WASHC3: variants seen among roughly 807,000 people sequenced by gnomAD.
WASHC3 encodes WASH complex subunit 3.
WASHC3 carries 24 observed loss-of-function variants against 26.1 expected under a neutral mutation model. The observed-to-expected ratio is 0.92, with a 90% CI of 0.66 to 1.29. The LOEUF (loss-of-function observed/expected upper bound fraction) is 1.29. Among genes scored for constraint, WASHC3 ranks in the 50% most tolerant of loss-of-function variants. The pLI, the probability that WASHC3 is intolerant of heterozygous loss-of-function variation, is 0.00. For synonymous variants in WASHC3, 77 were observed against 75.7 expected, an observed-to-expected ratio of 1.02 and a Z score of -0.09; for missense variants, 214 against 229.6, an observed-to-expected ratio of 0.93 and a Z score of 0.44.
rs758979621 is a variant in WASHC3 at position 102,061,943 on chromosome 12, G to T, written c.20C>A (p.Pro7His). 1 of 1,601,644 alleles carries T rather than the reference G, an allele frequency of 6.2e-7. No individual in the cohort carries two copies. The highest frequency in any genetic ancestry group is 8.5e-7 in the Non-Finnish European group (1 of 1,173,496). Residue 7 changes from proline to histidine, a missense_variant, in exon 1 of 7, where the codon CCT becomes CAT. Pro to His is a moderately conservative substitution (Grantham distance 77). Transcript: ENST00000240079. MDEDGL[P>H]LMGSGIDLTK... ...CAGGTCTATGCCTGACCCCATGAGA[G>T]GAAGCCCGTCCTCATCCATCTCCTC...
At chr12:102,019,621 T>A (rs1876865073) in intron 6 of WASHC3, among the ~76,000 whole-genome samples, 1 of 152,186 alleles carries the variant, frequency 6.6e-6, no homozygotes, top group African/African-American at 2.4e-5. Context: ...AATTTCAATC[T>A]TTGGTGGTTA....
Position 102,016,558 on chromosome 12 carries a change from G to A in WASHC3, c.501-3366C>T, listed in dbSNP as rs531199054. 1.4e-4 allele frequency among the ~76,000 whole-genome samples: 22 copies of A among 152,234 alleles called. No individual in the cohort carries two copies. In the South Asian group the frequency reaches 4.1e-3, roughly 29 times the overall value. On this transcript the variant is annotated intron_variant, in intron 6 of 6. Coordinates refer to ENST00000240079, the MANE Select transcript of WASHC3 (RefSeq NM_016053.4). ...CTTACTTTTTGAAAAAAAAGTTAAC[G>A]TTAAACAGCCTCAGGGAGGTCCTTC...
intron 3 of WASHC3, among the ~76,000 whole-genome samples, chr12:102,045,106 A>T (rs966524495): frequency 6.2e-5 from 9 of 144,360 alleles, no homozygotes; most frequent in Admixed American, 1.4e-4. Flanking sequence ...AATAATAATT[A>T]AAAAAAAAAC....
intron 2 of WASHC3, among the ~76,000 whole-genome samples, chr12:102,053,866 A>G (rs957711568): frequency 2.0e-5 from 3 of 151,652 alleles, no homozygotes; most frequent in African/African-American, 7.3e-5. Flanking sequence ...TTAACAGACA[A>G]AACTATTAAA....
At chr12:102,052,552 G>GCCC (rs1878433314) in intron 2 of WASHC3, among the ~76,000 whole-genome samples, 5 of 151,754 alleles carry the variant, frequency 3.3e-5, no homozygotes, top group Non-Finnish European at 7.4e-5. Context: ...CTAGGGACAG[G>GCCC]CCAGCCCCAG....
chr12:102,039,121 G>A (rs950913062), intron 5 of WASHC3, among the ~76,000 whole-genome samples: 1 of 144,406 alleles, frequency 6.9e-6, no homozygotes, highest in Non-Finnish European at 1.5e-5. Context: ...CCATCATATG[G>A]AGTTAGGTTT....
Position 102,026,002 on chromosome 12 carries a change from A to G in WASHC3, c.472T>C (p.Ser158Pro), listed in dbSNP as rs1340105446. ...PVMAIRNKMI[S>P]EGLDPDLLER... ...AGAAGATCTGGGTCTAGTCCTTCTG[A>G]TATCATTTTGTTTCTTATTGCCATC... is the stretch of plus-strand genomic sequence containing the variant. Residue 158 changes from serine (S) to proline (P), a missense_variant, in exon 6 of 7, where the codon TCA becomes CCA. Coordinates refer to ENST00000240079, the MANE Select transcript of WASHC3 (RefSeq NM_016053.4). 9 of 1,543,518 alleles carry G rather than the reference A, an allele frequency of 5.8e-6. No individual in the cohort carries two copies. The East Asian group carries it at 1.4e-4, about 24-fold the overall frequency.
In WASHC3 at chr12:102,024,079, G is replaced by C. The variant is rs144249539; in HGVS notation, c.500+1895C>G. 1.9e-3 allele frequency among the ~76,000 whole-genome samples: 282 copies of C among 152,182 alleles called. 1 individual carries two copies. The highest frequency in any genetic ancestry group is 6.6e-3 in the African/African-American group (273 of 41,538). On this transcript the variant is annotated intron_variant, in intron 6 of 6. Coordinates refer to ENST00000240079, the MANE Select transcript of WASHC3 (RefSeq NM_016053.4). ...ACAGAGAGAAAGGAAAACATTTAAC[G>C]ACACCAAAAGGGAATAGGAAAATGT... is the stretch of plus-strand genomic sequence containing the variant.
rs577103480 is a variant in WASHC3 at position 102,020,163 on chromosome 12, C to G, written c.500+5811G>C. 7.0e-4 allele frequency among the ~76,000 whole-genome samples: 107 copies of G among 152,312 alleles called. 1 individual carries two copies. Among genetic ancestry groups the G allele is most frequent in the African/African-American group, 2.3e-3 (97 of 41,580 alleles). On this transcript the variant is annotated intron_variant, in intron 6 of 6. Transcript: ENST00000240079. ...TTATGGAGAAGAGGGAACTCTCTCT[C>G]TGTTCAACTGGAAAAACAGCAATAT...
Position 102,013,014 on chromosome 12 carries a change from G to T in WASHC3, c.*94C>A. 1.7e-6 allele frequency: 1 copy of T among 579,260 alleles called. No individual in the cohort carries two copies. The highest frequency in any genetic ancestry group is 2.3e-5 in the South Asian group (1 of 43,384). The allele number at this position is 579,260 out of a possible 1,614,324, so 35.9% of individuals were successfully genotyped here. A position where few individuals can be genotyped will look rare whatever the true frequency, so the allele number is the denominator to read the frequency against. Reference sequence around the variant, plus strand: ...CTTGGTAGTGGACATGTGGCCATTTGATGTTTTTATGACTAAGAGAGTTCA... The same window carrying T: ...CTTGGTAGTGGACATGTGGCCATTTTATGTTTTTATGACTAAGAGAGTTCA... On this transcript the variant is annotated 3_prime_UTR_variant, in exon 7 of 7. Transcript: ENST00000240079.
chr12:102,058,174 A>C (rs1878666967), intron 2 of WASHC3, among the ~76,000 whole-genome samples: 1 of 152,136 alleles, frequency 6.6e-6, no homozygotes, highest in Admixed American at 6.5e-5. Flanking sequence ...TAAGAATAAC[A>C]GTCTCAATAA....
chr12:102,049,839 A>G (rs1878316862), intron 2 of WASHC3, among the ~76,000 whole-genome samples: 1 of 152,214 alleles, frequency 6.6e-6, no homozygotes, highest in Admixed American at 6.5e-5. Flanking sequence ...TAAGGATTTA[A>G]GCAAAATATT....
chr12:102,044,396 A>G (rs1878069774), intron 3 of WASHC3, among the ~76,000 whole-genome samples, 184 bp from the exon 4 acceptor site: 1 of 152,244 alleles, frequency 6.6e-6, no homozygotes, highest in Non-Finnish European at 1.5e-5. Flanking sequence ...CTTCTCAAAA[A>G]TCTAATTTAG....
At chr12:102,057,399 C>G (rs1296644629) in intron 2 of WASHC3, among the ~76,000 whole-genome samples, 1 of 151,892 alleles carries the variant, frequency 6.6e-6, no homozygotes, top group Non-Finnish European at 1.5e-5. Flanking sequence ...CAACATAGTA[C>G]TAGAAGTCCT....
At chr12:102,061,213 C>T (rs1246306413) in intron 2 of WASHC3, 35 bp downstream of exon 2, 1 of 1,402,040 alleles carries the variant, frequency 7.1e-7, no homozygotes, top group Non-Finnish European at 1.0e-6. Context: ...AGGTGATTTC[C>T]AGGCGACTCT....
intron 6 of WASHC3, among the ~76,000 whole-genome samples, chr12:102,016,250 G>A (rs1381772588): frequency 1.3e-5 from 2 of 151,706 alleles, no homozygotes; most frequent in Admixed American, 1.3e-4. Context: ...TGTCACCCAG[G>A]CTAGGGTGCA....
chr12:102,014,328 C>T (rs1455496674), intron 6 of WASHC3, among the ~76,000 whole-genome samples: 2 of 126,210 alleles, frequency 1.6e-5, no homozygotes, highest in South Asian at 5.8e-4. Context: ...GCTCTGGCCT[C>T]CCAAAGTGCT....
chr12:102,044,105 C>A lies in WASHC3; in HGVS notation c.324G>T (p.Gln108His). 6.4e-7 allele frequency: 1 copy of A among 1,553,538 alleles called. No homozygotes were observed. The highest frequency in any genetic ancestry group is 1.1e-5 in the South Asian group (1 of 87,202). The change falls in exon 4 of 7, where the codon CAG becomes CAT. Residue 108 changes from glutamine (Q) to histidine (H), a missense_variant and splice_region_variant. By Grantham distance (24) the Gln-to-His change is conservative. Coordinates refer to ENST00000240079, the MANE Select transcript of WASHC3 (RefSeq NM_016053.4). The part of the protein sequence containing the change: ...AHPEATSEQP[Q>H]QNSTQDSGLQ... ...TGCTCGTTTCTTAGAACTCACTTAC[C>A]TGTGGTTGCTCTGAAGTGGCTTCAG...
intron 4 of WASHC3, chr12:102,040,250 A>C: frequency 5.4e-6 from 1 of 183,900 alleles, no homozygotes; most frequent in Non-Finnish European, 1.1e-5. Flanking sequence ...ATTCTGCTTT[A>C]CTTGTCCCCA....
Sources: gnomAD v4.1 joint callset for allele counts (sites outside exome capture counted in the v4.1 genomes callset) on GRCh38, gnomAD v4.1.1 for gene constraint, MANE v1.5 for transcripts, NCBI Gene and HGNC (gene_info 2026-07-23, HGNC 2026-07-21) for gene names.